The following SYNJ2 variants were observed in gnomAD, a reference collection of about 807,000 sequenced individuals.
SYNJ2 encodes polyphosphatidylinositol phosphatase SYNJ2.
In SYNJ2, 116 loss-of-function variants were observed where a neutral mutation model predicts 141.3. That is an observed-to-expected ratio of 0.82 (90% CI 0.71 to 0.96). The LOEUF (loss-of-function observed/expected upper bound fraction) is 0.96. Among genes scored for constraint, SYNJ2 ranks in the 40% least tolerant of loss-of-function variants. The pLI is 0.00. For synonymous variants in SYNJ2, 745 were observed against 777.7 expected (o/e 0.96, Z 0.70); for missense variants, 1,873 against 1,934.8 (o/e 0.97, Z 0.60).
intron 1 of SYNJ2, among the ~76,000 whole-genome samples, chr6:157,984,094 C>T (rs963354778): frequency 2.0e-5 from 3 of 152,170 alleles, no homozygotes; most frequent in African/African-American, 7.2e-5. Flanking sequence ...CCTTGGTCTC[C>T]CAAAGCGTTG....
At chr6:158,007,359 C>T (rs1213436894) in intron 1 of SYNJ2, among the ~76,000 whole-genome samples, 2 of 152,204 alleles carry the variant, frequency 1.3e-5, no homozygotes, top group African/African-American at 4.8e-5. Context: ...AGAGCTCTGT[C>T]GTCAGCCTCC....
Position 158,081,415 on chromosome 6 carries a change from A to C in SYNJ2, c.2787-17A>C. On this transcript the variant is annotated splice_polypyrimidine_tract_variant and intron_variant, in intron 19 of 26. Coordinates refer to ENST00000355585, the MANE Select transcript of SYNJ2 (RefSeq NM_003898.4). ...CAGGTCGTTCTTGGCATTGACTTGG[A>C]GTATCATTTATTCCAGGATCAACCA... 6.2e-7 allele frequency: 1 copy of C among 1,613,632 alleles called. No individual in the cohort carries two copies. The highest frequency in any genetic ancestry group is 8.5e-7 in the Non-Finnish European group (1 of 1,179,814).
chr6:158,084,283 C>T lies in SYNJ2; in HGVS notation c.3208+109C>T. The T allele has an allele frequency of 5.4e-6, 7 of 1,291,740 alleles. No individual in the cohort carries two copies. Among genetic ancestry groups the T allele is most frequent in the African/African-American group, 1.5e-5 (1 of 67,510 alleles). 80.0% of individuals were successfully genotyped at this position (1,291,740 alleles called of 1,614,324 possible). A position where few individuals can be genotyped will look rare whatever the true frequency, so the allele number is the denominator to read the frequency against. ...ACTGTGTGATATCAAGTATGCAGGTCCCAGGAGAGACCTCAACCAGGCAGG... is the reference window on the plus strand; with the variant it reads ...ACTGTGTGATATCAAGTATGCAGGTTCCAGGAGAGACCTCAACCAGGCAGG... On this transcript the variant is annotated intron_variant, in intron 22 of 26. Transcript: ENST00000355585. The surrounding 1 kb of genome is among the most constrained non-coding windows in gnomAD (Gnocchi z 5.0).
chr6:158,032,160 C>A (rs2128338058), intron 3 of SYNJ2, among the ~76,000 whole-genome samples: 1 of 151,462 alleles, frequency 6.6e-6, no homozygotes, highest in East Asian at 2.0e-4. Context: ...GACTGTGCGA[C>A]CTCAGACGGG....
intron 1 of SYNJ2, among the ~76,000 whole-genome samples, chr6:158,013,280 C>G (rs1778332109): frequency 6.6e-6 from 1 of 152,084 alleles, no homozygotes; most frequent in Non-Finnish European, 1.5e-5. Flanking sequence ...GCTTGAGTGG[C>G]TGAGGTGGAA....
chr6:158,092,531 T>C (rs1053634868), intron 25 of SYNJ2, among the ~76,000 whole-genome samples: 1 of 152,144 alleles, frequency 6.6e-6, no homozygotes, highest in Non-Finnish European at 1.5e-5. Context: ...TCCCAGCTAC[T>C]TGGGAGGCTG....
chr6:158,057,427 G>A (rs1364215949), intron 6 of SYNJ2, among the ~76,000 whole-genome samples: 1 of 152,144 alleles, frequency 6.6e-6, no homozygotes, highest in Non-Finnish European at 1.5e-5. Flanking sequence ...GGGAAAGAAA[G>A]AGGAACCACG....
At chr6:157,993,161 G>C (rs922473496) in intron 1 of SYNJ2, among the ~76,000 whole-genome samples, 3 of 150,982 alleles carry the variant, frequency 2.0e-5, no homozygotes, top group Non-Finnish European at 4.4e-5. Context: ...GTGTACAAGG[G>C]TTTCCTTTTC....
chr6:158,093,070 C>A lies in SYNJ2; in HGVS notation c.3710C>A (p.Ala1237Asp). 1 of 1,608,978 alleles carries A rather than the reference C, an allele frequency of 6.2e-7. No individual in the cohort carries two copies. Among genetic ancestry groups the A allele is most frequent in the Non-Finnish European group, 8.5e-7 (1 of 1,178,726 alleles). Residue 1237 changes from alanine (A) to aspartate (D), a missense_variant, in exon 26 of 27, where the codon GCC becomes GAC. Ala to Asp is a moderately radical substitution (Grantham distance 126). Transcript: ENST00000355585. ...CGTCGGCCCCCACCCAGAGTTCCTG[C>A]CATCAAGAAGCCAACCTTGAGAAGG... ...LPRRPPPRVP[A>D]IKKPTLRRTG...
intron 4 of SYNJ2, among the ~76,000 whole-genome samples, chr6:158,037,653 G>A (rs926073077): frequency 2.0e-5 from 3 of 151,872 alleles, no homozygotes; most frequent in African/African-American, 2.4e-5. Context: ...TGCCCGCCTC[G>A]GCCTCCCAAA....
chr6:158,000,439 G>A (rs1412964741), intron 1 of SYNJ2, among the ~76,000 whole-genome samples: 1 of 152,108 alleles, frequency 6.6e-6, no homozygotes, highest in Non-Finnish European at 1.5e-5. Context: ...GTGTTCAGAG[G>A]CTCCTGAGAG....
In SYNJ2 at chr6:158,017,263, T is replaced by A. The variant is rs747222262; in HGVS notation, c.187T>A (p.Cys63Ser). Reference protein sequence around the residue: ...QYGKLTDAYGCLGELRLKSGG... With the variant: ...QYGKLTDAYGSLGELRLKSGG... ...TGGCAAGCTCACGGACGCGTACGGC[T>A]GCCTGGGGGAGCTGAGGCTGAAATC... Residue 63 changes from cysteine to serine, a missense_variant, in exon 2 of 27, where the codon TGC becomes AGC. Physicochemically the swap from Cys to Ser is moderately radical, Grantham distance 112. Coordinates refer to ENST00000355585, the MANE Select transcript of SYNJ2 (RefSeq NM_003898.4). 2 of 1,613,802 alleles carry A rather than the reference T, an allele frequency of 1.2e-6. No individual in the cohort carries two copies. Among genetic ancestry groups the A allele is most frequent in the Non-Finnish European group, 1.7e-6 (2 of 1,179,938 alleles).
intron 15 of SYNJ2, among the ~76,000 whole-genome samples, chr6:158,074,338 G>A (rs1173014969): frequency 6.6e-6 from 1 of 152,134 alleles, no homozygotes; most frequent in Admixed American, 6.6e-5. Flanking sequence ...GTTTAGGGTA[G>A]GAGCTTTCTT....
Position 158,062,143 on chromosome 6 carries a change from A to AG in SYNJ2, c.1111dup (p.Glu371GlyfsTer18), listed in dbSNP as rs1258446424. On this transcript the variant is annotated frameshift_variant, in exon 8 of 27. Transcript: ENST00000355585. LOFTEE classifies it high-confidence loss of function. Reference sequence around the variant, plus strand: ...TGGGAAGACTTCGATGTGTTCACAAAGGGGGAGAACGTCAGTCCACGGTGA... The same window carrying AG: ...TGGGAAGACTTCGATGTGTTCACAAAGGGGGGAGAACGTCAGTCCACGGTGA... The AG allele has an allele frequency of 5.0e-6, 8 of 1,613,878 alleles. No individual in the cohort carries two copies. Among genetic ancestry groups the AG allele is most frequent in the Non-Finnish European group, 6.8e-6 (8 of 1,179,956 alleles).
chr6:158,089,920 A>G lies in SYNJ2; in HGVS notation c.3538A>G (p.Ile1180Val), dbSNP rs1304449775. 5 of 1,614,088 alleles carry G rather than the reference A, an allele frequency of 3.1e-6. No individual in the cohort carries two copies. Among genetic ancestry groups the G allele is most frequent in the Non-Finnish European group, 4.2e-6 (5 of 1,179,956 alleles). Residue 1180 changes from isoleucine to valine, a missense_variant, in exon 25 of 27, where the codon ATC becomes GTC. Transcript: ENST00000355585. Reference sequence around the variant, plus strand: ...CAATGCCCAGGAGGCAGAAGCAGCAATCCGGTGTCTCCTGGAAGCCAGAGG... The same window carrying G: ...CAATGCCCAGGAGGCAGAAGCAGCAGTCCGGTGTCTCCTGGAAGCCAGAGG... ...TTNAQEAEAA[I>V]RCLLEARGGA...
chr6:158,096,148 G>C lies in SYNJ2; in HGVS notation c.4275G>C (p.Leu1425Phe). Residue 1425 changes from leucine (L) to phenylalanine (F), a missense_variant, in exon 27 of 27, where the codon TTG becomes TTC. Coordinates refer to ENST00000355585, the MANE Select transcript of SYNJ2 (RefSeq NM_003898.4). ...FWNLLHHPKL[L>F]NNTWLSKSSD... The stretch of plus-strand genomic sequence containing the variant: ...ACCTTCTTCACCACCCTAAACTGTT[G>C]AATAACACTTGGCTTTCTAAGAGCT... 1.2e-6 allele frequency: 2 copies of C among 1,614,208 alleles called. No individual in the cohort carries two copies. The highest frequency in any genetic ancestry group is 3.3e-4 in the Middle Eastern group (2 of 6,062).
chr6:158,048,496 C>T (rs1347589589), intron 5 of SYNJ2, among the ~76,000 whole-genome samples: 1 of 152,146 alleles, frequency 6.6e-6, no homozygotes, highest in Non-Finnish European at 1.5e-5. Context: ...CATCCCATAC[C>T]AGCAGCTACT....
At chr6:157,995,922 GA>G (rs1042950366) in intron 1 of SYNJ2, among the ~76,000 whole-genome samples, 1 of 152,162 alleles carries the variant, frequency 6.6e-6, no homozygotes, top group Non-Finnish European at 1.5e-5. Flanking sequence ...CCTAAAAGAA[GA>G]AAGCTATAGA....
chr6:158,072,017 G>A (rs946303515), intron 15 of SYNJ2, among the ~76,000 whole-genome samples: 8 of 152,246 alleles, frequency 5.3e-5, no homozygotes, highest in African/African-American at 1.9e-4. Flanking sequence ...ATTTCCCGTT[G>A]CTGTACAATT....
Sources: gnomAD v4.1 joint callset for allele counts (sites outside exome capture counted in the v4.1 genomes callset) on GRCh38, gnomAD v4.1.1 for gene constraint, Gnocchi (gnomAD v3.1) non-coding constraint, MANE v1.5 for transcripts, NCBI Gene and HGNC (gene_info 2026-07-23, HGNC 2026-07-21) for gene names.